RBFOX1: variants seen among roughly 807,000 people sequenced by gnomAD.
The protein encoded by RBFOX1 is RNA binding protein fox-1 homolog 1.
RBFOX1 carries 8 observed loss-of-function variants against 57.7 expected under a neutral mutation model. The observed-to-expected ratio is 0.14, with a 90% CI of 0.08 to 0.25. RBFOX1 has a LOEUF of 0.25. RBFOX1 is among the 10% of genes least tolerant of loss of function. The pLI is 1.00. For missense variants in RBFOX1, 611 were observed against 548.5 expected, an observed-to-expected ratio of 1.11 and a Z score of -1.14; for synonymous variants, 326 against 222.4, an observed-to-expected ratio of 1.47 and a Z score of -4.15.
intron 4 of RBFOX1, among the ~76,000 whole-genome samples, chr16:7,092,110 C>T (rs1405846081): frequency 6.6e-6 from 1 of 152,206 alleles, no homozygotes; most frequent in African/African-American, 2.4e-5. Flanking sequence ...TATTTAAAGA[C>T]ATCTTAAAGA....
intron 3 of RBFOX1, among the ~76,000 whole-genome samples, chr16:6,791,384 C>T (rs1370191119): frequency 1.3e-5 from 2 of 152,124 alleles, no homozygotes; most frequent in Admixed American, 6.6e-5. Context: ...GCAGGACTGG[C>T]TGTCTAATAG....
chr16:5,783,916 A>G (rs1416568403), intron 3 of RBFOX1, among the ~76,000 whole-genome samples: 1 of 152,198 alleles, frequency 6.6e-6, no homozygotes, highest in Non-Finnish European at 1.5e-5. Context: ...AAATTCATAC[A>G]TGGAAATCCT....
At chr16:7,486,959 G>A (rs914298013) in intron 4 of RBFOX1, among the ~76,000 whole-genome samples, 3 of 152,126 alleles carry the variant, frequency 2.0e-5, no homozygotes, top group African/African-American at 7.2e-5. Flanking sequence ...GAGTACAGTG[G>A]CACAATCTCG....
At chr16:7,347,187 A>G (rs994351042) in intron 4 of RBFOX1, among the ~76,000 whole-genome samples, 8 of 152,278 alleles carry the variant, frequency 5.3e-5, no homozygotes, top group South Asian at 2.1e-4. Context: ...TGCTGCTATC[A>G]TCCTACAATG....
chr16:6,514,602 A>G (rs970852092), intron 2 of RBFOX1, among the ~76,000 whole-genome samples: 2 of 152,154 alleles, frequency 1.3e-5, no homozygotes, highest in African/African-American at 4.8e-5. Context: ...TGTTCCCCTC[A>G]CCACGCATTT....
At chr16:6,828,192 G>A (rs547231203) in intron 3 of RBFOX1, among the ~76,000 whole-genome samples, 26 of 152,202 alleles carry the variant, frequency 1.7e-4, no homozygotes, top group Admixed American at 1.1e-3. Context: ...CACTTCCCTT[G>A]CCCGTAGAAG....
At chr16:7,600,259 G>C (rs1456850214) in intron 9 of RBFOX1, among the ~76,000 whole-genome samples, 1 of 152,152 alleles carries the variant, frequency 6.6e-6, no homozygotes, top group Non-Finnish European at 1.5e-5. Flanking sequence ...TTGATGGATA[G>C]ACACAGTAGA....
chr16:6,398,022 A>G (rs2092911096), intron 2 of RBFOX1, among the ~76,000 whole-genome samples: 1 of 152,206 alleles, frequency 6.6e-6, no homozygotes, highest in African/African-American at 2.4e-5. Flanking sequence ...AGAGCAAACC[A>G]TAAACATAAG....
At chr16:7,099,640 G>C (rs1350281660) in intron 4 of RBFOX1, among the ~76,000 whole-genome samples, 2 of 152,194 alleles carry the variant, frequency 1.3e-5, no homozygotes, top group East Asian at 3.9e-4. Flanking sequence ...GGTATAGCTT[G>C]CTTTTATACA....
At chr16:7,704,138 C>A (rs1427420166) in intron 14 of RBFOX1, among the ~76,000 whole-genome samples, 1 of 152,190 alleles carries the variant, frequency 6.6e-6, no homozygotes, top group African/African-American at 2.4e-5. Context: ...GCAAGGACAT[C>A]ATAAAAGCAG....
intron 2 of RBFOX1, among the ~76,000 whole-genome samples, chr16:6,381,327 T>C (rs1393551573): frequency 1.3e-5 from 2 of 152,120 alleles, no homozygotes; most frequent in Non-Finnish European, 2.9e-5. Flanking sequence ...CTCACCTCCC[T>C]CCCACCCTTC....
At chr16:7,573,028 G>T (rs532815925) in intron 5 of RBFOX1, among the ~76,000 whole-genome samples, 1 of 152,138 alleles carries the variant, frequency 6.6e-6, no homozygotes, top group African/African-American at 2.4e-5. Flanking sequence ...TAATAAAAAG[G>T]CAAGAAGAGA....
intron 1 of RBFOX1, among the ~76,000 whole-genome samples, chr16:6,227,219 A>G (rs994760269): frequency 1.3e-5 from 2 of 152,160 alleles, no homozygotes; most frequent in African/African-American, 2.4e-5. Context: ...AGAGGTGAGC[A>G]TGAACCAGAA....
At chr16:6,816,407 T>C (rs1483646628) in intron 3 of RBFOX1, among the ~76,000 whole-genome samples, 1 of 151,070 alleles carries the variant, frequency 6.6e-6, no homozygotes, top group Non-Finnish European at 1.5e-5. Flanking sequence ...GTTGCCAGAC[T>C]GGCCCCTTCA....
At chr16:6,341,540 A>G (rs373786459) in intron 2 of RBFOX1, among the ~76,000 whole-genome samples, 71 of 152,330 alleles carry the variant, frequency 4.7e-4, no homozygotes, top group Middle Eastern at 3.4e-3. Flanking sequence ...AAACAAAAGG[A>G]TTCCTAATTT....
chr16:5,475,451 G>T (rs1446501299), intron 2 of RBFOX1, among the ~76,000 whole-genome samples: 1 of 152,228 alleles, frequency 6.6e-6, no homozygotes, highest in African/African-American at 2.4e-5. Context: ...AGGAAATTTA[G>T]CTCAGCTGCA....
rs148539676 is a variant in RBFOX1 at position 6,624,002 on chromosome 16, C to T, written c.-63-30601C>T. 4.7e-3 allele frequency among the ~76,000 whole-genome samples: 722 copies of T among 152,210 alleles called. 5 individuals carry two copies. The highest frequency in any genetic ancestry group is 0.017 in the African/African-American group (693 of 41,508). ...CAAATGGTATTTCTAGTTCTAGATC[C>T]CTGAGGAGTCGCCACACTGACTTCC... is the stretch of plus-strand genomic sequence containing the variant. On this transcript the variant is annotated intron_variant, in intron 2 of 15. Transcript: ENST00000550418.
intron 3 of RBFOX1, among the ~76,000 whole-genome samples, chr16:5,781,960 C>T (rs774505964): frequency 6.6e-6 from 1 of 152,190 alleles, no homozygotes; most frequent in Non-Finnish European, 1.5e-5. Context: ...AATCCCAGCA[C>T]TTAGGGAGGC....
At chr16:7,228,707 A>T (rs997739274) in intron 4 of RBFOX1, among the ~76,000 whole-genome samples, 1 of 152,220 alleles carries the variant, frequency 6.6e-6, no homozygotes, top group Non-Finnish European at 1.5e-5. Flanking sequence ...TCAATTCAGG[A>T]CGACGTGAAA....
Sources: gnomAD v4.1 joint callset for allele counts (sites outside exome capture counted in the v4.1 genomes callset) on GRCh38, gnomAD v4.1.1 for gene constraint, MANE v1.5 for transcripts, NCBI Gene and HGNC (gene_info 2026-07-23, HGNC 2026-07-21) for gene names.